HECTD4: variants seen among roughly 807,000 people sequenced by gnomAD.
HECTD4 encodes the protein HECT domain E3 ubiquitin protein ligase 4, also known as probable E3 ubiquitin-protein ligase HECTD4.
In HECTD4, 114 loss-of-function variants were observed where a neutral mutation model predicts 471.5. The observed-to-expected ratio is 0.24, with a 90% CI of 0.21 to 0.28. The LOEUF is 0.28. Ranked by LOEUF, HECTD4 falls within the 10% of genes least tolerant of loss-of-function variation. The pLI is 1.00. For missense variants in HECTD4, 3,866 were observed against 5,651.5 expected (o/e 0.68, Z 10.13); for synonymous variants, 2,012 against 2,256.0 (o/e 0.89, Z 3.07).
At chr12:112,167,664 G>A (rs909016001) in intron 71 of HECTD4, 126 bp from the exon 72 acceptor site, 1 of 1,028,312 alleles carries the variant, frequency 9.7e-7, no homozygotes, top group African/African-American at 1.6e-5. Context: ...CCCAGAGCTT[G>A]CCCATCCAGT....
intron 3 of HECTD4, 107 bp from the exon 4 acceptor site, chr12:112,313,254 G>T: frequency 3.0e-6 from 2 of 673,136 alleles, no homozygotes; most frequent in South Asian, 3.7e-5. Context: ...AAACTAAGAT[G>T]TATAATATTT....
chr12:112,246,287 T>G (rs866645040), intron 29 of HECTD4, among the ~76,000 whole-genome samples: 9 of 152,216 alleles, frequency 5.9e-5, no homozygotes, highest in Middle Eastern at 3.4e-3. Context: ...GTTACAAGAT[T>G]TATGATGTTG....
intron 50 of HECTD4, among the ~76,000 whole-genome samples, chr12:112,209,367 C>A (rs2032693513): frequency 6.7e-6 from 1 of 148,518 alleles, no homozygotes; most frequent in Non-Finnish European, 1.5e-5. Flanking sequence ...GCTCTTATTG[C>A]CCAGGCTGGA....
chr12:112,309,135 G>C (rs935609699), intron 5 of HECTD4, among the ~76,000 whole-genome samples: 1 of 152,172 alleles, frequency 6.6e-6, no homozygotes, highest in Admixed American at 6.5e-5. Flanking sequence ...TGTATACAAG[G>C]CTTTCAAACT....
At chr12:112,341,202 A>G (rs2036047999) in intron 1 of HECTD4, among the ~76,000 whole-genome samples, 2 of 152,180 alleles carry the variant, frequency 1.3e-5, no homozygotes, top group Non-Finnish European at 2.9e-5. Context: ...CATACATTAA[A>G]AATGCCACCT....
intron 1 of HECTD4, among the ~76,000 whole-genome samples, chr12:112,356,246 A>G (rs752087004): frequency 4.5e-4 from 69 of 152,232 alleles, no homozygotes; most frequent in Admixed American, 3.6e-3. Context: ...AAAATATCAA[A>G]TGATTGCTAA....
chr12:112,167,572 C>T (rs377708832), intron 71 of HECTD4, 34 bp from the exon 72 acceptor site: 58 of 1,502,732 alleles, frequency 3.9e-5, no homozygotes, highest in African/African-American at 2.4e-4. Flanking sequence ...GTGACCTGGG[C>T]GTGGGCCTCT....
chr12:112,310,266 T>C (rs1019157345), intron 4 of HECTD4, among the ~76,000 whole-genome samples: 11 of 152,366 alleles, frequency 7.2e-5, no homozygotes, highest in South Asian at 6.2e-4. Context: ...GTTAATATAC[T>C]AATGATATAC....
Position 112,273,811 on chromosome 12 carries a change from A to C in HECTD4, c.1802-16T>G. The C allele has an allele frequency of 6.2e-7, 1 of 1,612,856 alleles. No homozygotes were observed. On this transcript the variant is annotated splice_polypyrimidine_tract_variant and intron_variant, in intron 10 of 75. Transcript: ENST00000682272. ...TAACACGCTCCTGCAAAAAGAGCAT[A>C]CTGTATTCAGTCACCATGCCACCAG...
chr12:112,268,960 C>T (rs1363007695), intron 13 of HECTD4, among the ~76,000 whole-genome samples: 16 of 144,588 alleles, frequency 1.1e-4, no homozygotes, highest in African/African-American at 3.6e-4. Context: ...CTGCAAGCTC[C>T]GCCTCCCGGG....
intron 23 of HECTD4, among the ~76,000 whole-genome samples, chr12:112,252,042 G>A (rs2033902262): frequency 6.6e-6 from 1 of 152,180 alleles, no homozygotes; most frequent in African/African-American, 2.4e-5. Flanking sequence ...AAAGTGCTGG[G>A]ATTACAGGTG....
intron 60 of HECTD4, among the ~76,000 whole-genome samples, chr12:112,187,687 T>C (rs12822082): frequency 1.4e-5 from 2 of 141,250 alleles, no homozygotes; most frequent in African/African-American, 2.7e-5. Context: ...AGTGCCGTGG[T>C]GCCATCTCGG....
intron 4 of HECTD4, 62 bp from the exon 5 acceptor site, chr12:112,309,731 G>A: frequency 1.3e-6 from 1 of 773,940 alleles, no homozygotes; most frequent in East Asian, 2.9e-5. Flanking sequence ...TTATAAACAT[G>A]CTTTTTCTAA....
intron 45 of HECTD4, 46 bp downstream of exon 45, chr12:112,219,340 T>C (rs1370649411): frequency 1.5e-6 from 2 of 1,348,778 alleles, no homozygotes; most frequent in Admixed American, 3.6e-5. Context: ...TACTCAGTGA[T>C]GTGTGTGGAG....
chr12:112,191,908 C>T (rs1015538185), intron 59 of HECTD4, among the ~76,000 whole-genome samples: 7 of 152,162 alleles, frequency 4.6e-5, no homozygotes, highest in African/African-American at 1.2e-4. Flanking sequence ...CTGGCAAACA[C>T]GCGTCAGTCT....
chr12:112,204,553 A>G lies in HECTD4; in HGVS notation c.8202T>C (p.Leu2734=). The part of the protein sequence containing the change: ...YEENGGIPRD[L]YLPTIEDIKD... ...TAATGTCTTCAATGGTGGGAAGATAAAGGTCTCTTGGGATGCCACCATTCT... is the reference window on the plus strand; with the variant it reads ...TAATGTCTTCAATGGTGGGAAGATAGAGGTCTCTTGGGATGCCACCATTCT... The change falls in exon 53 of 76, where the codon CTT becomes CTC. Residue 2734 remains leucine, a synonymous_variant. Transcript: ENST00000682272. 1 of 1,613,540 alleles carries G rather than the reference A, an allele frequency of 6.2e-7. No homozygotes were observed. Among genetic ancestry groups the G allele is most frequent in the Non-Finnish European group, 8.5e-7 (1 of 1,179,492 alleles).
intron 28 of HECTD4, 68 bp from the exon 29 acceptor site, chr12:112,247,144 T>A: frequency 1.6e-6 from 2 of 1,270,482 alleles, no homozygotes; most frequent in Admixed American, 2.5e-5. Flanking sequence ...TAAAAAAAAA[T>A]GTTTACAAAG....
In HECTD4 at chr12:112,192,651, C is replaced by T. The variant is rs375362676; in HGVS notation, c.9201G>A (p.Ala3067=). Residue 3067 remains alanine (A), a synonymous_variant, in exon 59 of 76, where the codon GCG becomes GCA. Coordinates refer to ENST00000682272, the MANE Select transcript of HECTD4 (RefSeq NM_001388303.1). Reference sequence around the variant, plus strand: ...GTGCAAGCCCAGTGTTGGCTGGGGACGCGTCCCGCGGGTAACAGGCGGCCT... The same window carrying T: ...GTGCAAGCCCAGTGTTGGCTGGGGATGCGTCCCGCGGGTAACAGGCGGCCT... ...LIEAACYPRD[A]SPANTGLAPP... The T allele has an allele frequency of 1.4e-5, 23 of 1,607,346 alleles. No homozygotes were observed. Among genetic ancestry groups the T allele is most frequent in the Admixed American group, 1.4e-4 (8 of 58,968 alleles).
intron 1 of HECTD4, among the ~76,000 whole-genome samples, chr12:112,376,078 A>C (rs1248136311): frequency 1.3e-5 from 2 of 152,176 alleles, no homozygotes; most frequent in Non-Finnish European, 2.9e-5. Flanking sequence ...TCCTGTCTAA[A>C]AAAAAATAAT....
Sources: gnomAD v4.1 joint callset for allele counts (sites outside exome capture counted in the v4.1 genomes callset) on GRCh38, gnomAD v4.1.1 for gene constraint, MANE v1.5 for transcripts, NCBI Gene and HGNC (gene_info 2026-07-23, HGNC 2026-07-21) for gene names.